Variants in ABRA observed in about 807,000 individuals in gnomAD.
The protein encoded by ABRA is actin binding Rho activating protein, also known as actin-binding Rho-activating protein.
A neutral mutation model predicts 33.4 loss-of-function variants in ABRA; 25 were observed. The observed-to-expected ratio is 0.75, with a 90% CI of 0.55 to 1.04. The LOEUF is 1.04. ABRA is among the 50% of genes least tolerant of loss of function. ABRA has a pLI of 0.00. For missense variants in ABRA, 501 were observed against 491.7 expected, an observed-to-expected ratio of 1.02 and a Z score of -0.18; for synonymous variants, 193 against 176.8, an observed-to-expected ratio of 1.09 and a Z score of -0.73.
In ABRA at chr8:106,761,461, G is replaced by A; in HGVS notation, c.722C>T (p.Pro241Leu). The A allele has an allele frequency of 6.2e-7, 1 of 1,614,110 alleles. No individual in the cohort carries two copies. Among genetic ancestry groups the A allele is most frequent in the Non-Finnish European group, 8.5e-7 (1 of 1,180,026 alleles). Residue 241 changes from proline (P) to leucine (L), a missense_variant, in exon 2 of 2, where the codon CCA becomes CTA. Pro to Leu is a moderately conservative substitution (Grantham distance 98, BLOSUM62 -3). Coordinates refer to ENST00000311955, the MANE Select transcript of ABRA (RefSeq NM_139166.5). ...CCATCTCCCTTTCAAGTTGCCCACT[G>A]GGCTATATTTCTGTTGGGCTTTGCA... ...LNCKAQQKYS[P>L]VGNLKGRWQQ...
intron 1 of ABRA, among the ~76,000 whole-genome samples, chr8:106,767,966 G>T (rs1353736265): frequency 6.6e-6 from 1 of 151,988 alleles, no homozygotes; most frequent in Non-Finnish European, 1.5e-5. Flanking sequence ...GTGGTGGTGT[G>T]CACCTGTAAT....
chr8:106,769,831 T>A lies in ABRA; in HGVS notation c.360A>T (p.Arg120Ser). The change falls in exon 1 of 2, where the codon AGA (arginine) becomes AGT (serine). Residue 120 changes from arginine (R) to serine (S), a missense_variant. Coordinates refer to ENST00000311955, the MANE Select transcript of ABRA (RefSeq NM_139166.5). ...GGCTGAGGTGGCTCACGTCCCCTCC[T>A]CTCTCATAAGTCTTGCTGACCACCG... The part of the protein sequence containing the change: ...SKTVVSKTYE[R>S]GGDVSHLSHR... 6.2e-7 allele frequency: 1 copy of A among 1,614,112 alleles called. No individual in the cohort carries two copies. The highest frequency in any genetic ancestry group is 8.5e-7 in the Non-Finnish European group (1 of 1,180,016).
At chr8:106,767,733 T>C (rs1166178126) in intron 1 of ABRA, among the ~76,000 whole-genome samples, 3 of 152,210 alleles carry the variant, frequency 2.0e-5, no homozygotes, top group Non-Finnish European at 4.4e-5. Context: ...CATTTGCCAT[T>C]TTATTTTTCT....
In ABRA at chr8:106,769,663, C is replaced by T; in HGVS notation, c.528G>A (p.Val176=). 6.2e-7 allele frequency: 1 copy of T among 1,614,190 alleles called. No homozygotes were observed. Among genetic ancestry groups the T allele is most frequent in the Non-Finnish European group, 8.5e-7 (1 of 1,180,042 alleles). ...LVSELTKGWR[V]MEQEEPTWRS... ...TCCATGTGGGCTCCTCCTGCTCCAT[C>T]ACTCTCCAGCCCTTGGTTAGCTCAG... is the stretch of plus-strand genomic sequence containing the variant. Residue 176 remains valine (V), a synonymous_variant, in exon 1 of 2, where the codon GTG becomes GTA. Coordinates refer to ENST00000311955, the MANE Select transcript of ABRA (RefSeq NM_139166.5).
In ABRA at chr8:106,769,868, T is replaced by C. The variant is rs140878408; in HGVS notation, c.323A>G (p.Glu108Gly). The change falls in exon 1 of 2, where the codon GAG (glutamate) becomes GGG (glycine). Residue 108 changes from glutamate (E) to glycine (G), a missense_variant. By Grantham distance (98) the Glu-to-Gly change is moderately conservative (BLOSUM62 -2). Coordinates refer to ENST00000311955, the MANE Select transcript of ABRA (RefSeq NM_139166.5). ...CTTGCTGACCACCGTTTTGGACACCTCTTTCTTTTTGATGTGAGAAACCTC... is the reference window on the plus strand; with the variant it reads ...CTTGCTGACCACCGTTTTGGACACCCCTTTCTTTTTGATGTGAGAAACCTC... ...APEVSHIKKK[E>G]VSKTVVSKTY... 5 of 1,614,116 alleles carry C rather than the reference T, an allele frequency of 3.1e-6. No homozygotes were observed. Among genetic ancestry groups the C allele is most frequent in the Non-Finnish European group, 3.4e-6 (4 of 1,180,020 alleles).
chr8:106,760,914 T>C lies in ABRA; in HGVS notation c.*123A>G. 1 of 907,350 alleles carries C rather than the reference T, an allele frequency of 1.1e-6. No homozygotes were observed. Among genetic ancestry groups the C allele is most frequent in the African/African-American group, 1.7e-5 (1 of 60,158 alleles). 56.2% of individuals were successfully genotyped at this position (907,350 alleles called of 1,614,324 possible). A position where few individuals can be genotyped will look rare whatever the true frequency, so the allele number is the denominator to read the frequency against. ...ATAGAAATAGAATGCCAGAAAGTCG[T>C]TTATGTAAAAATTGTTTAATATTTA... On this transcript the variant is annotated 3_prime_UTR_variant, in exon 2 of 2. Transcript: ENST00000311955.
rs773021452 is a variant in ABRA at position 106,769,968 on chromosome 8, C to A, written c.223G>T (p.Ala75Ser). Reference protein sequence around the residue: ...PITPPTSHQKAQSAPKSPPRL... With the variant: ...PITPPTSHQKSQSAPKSPPRL... The stretch of plus-strand genomic sequence containing the variant: ...GGTGGCGACTTTGGGGCACTCTGAG[C>A]TTTCTGGTGTGAAGTAGGGGGTGTG... Residue 75 changes from alanine to serine, a missense_variant, in exon 1 of 2, where the codon GCT (alanine) becomes TCT (serine). Ala to Ser is a moderately conservative substitution (Grantham distance 99). Coordinates refer to ENST00000311955, the MANE Select transcript of ABRA (RefSeq NM_139166.5). 6.2e-7 allele frequency: 1 copy of A among 1,613,872 alleles called. No homozygotes were observed. Among genetic ancestry groups the A allele is most frequent in the Non-Finnish European group, 8.5e-7 (1 of 1,179,950 alleles).
rs770343497 is a variant in ABRA at position 106,770,187 on chromosome 8, C to T, written c.4G>A (p.Ala2Thr). Residue 2 changes from alanine to threonine, a missense_variant, in exon 1 of 2, where the codon GCT (alanine) becomes ACT (threonine). Transcript: ENST00000311955. ...TCCCCGCTTTCCTTTTCGCCCGGAG[C>T]CATGCTGCCCACCTGTCTTTCTCTG... The part of the protein sequence containing the change: M[A>T]PGEKESGEGP... 10 of 1,600,934 alleles carry T rather than the reference C, an allele frequency of 6.2e-6. No individual in the cohort carries two copies. The highest frequency in any genetic ancestry group is 1.7e-5 in the Admixed American group (1 of 59,694).
chr8:106,763,131 C>T (rs1836160702), intron 1 of ABRA, among the ~76,000 whole-genome samples: 1 of 152,216 alleles, frequency 6.6e-6, no homozygotes, highest in South Asian at 2.1e-4. Flanking sequence ...ACCATCCAAA[C>T]TCACTTCCCG....
chr8:106,763,737 C>T (rs529848610), intron 1 of ABRA, among the ~76,000 whole-genome samples: 1 of 152,316 alleles, frequency 6.6e-6, no homozygotes, highest in East Asian at 1.9e-4. Context: ...GCTGAGGTGT[C>T]CTGCCAGAGA....
Position 106,769,826 on chromosome 8 carries a change from C to G in ABRA, c.365G>C (p.Gly122Ala). 6.2e-7 allele frequency: 1 copy of G among 1,614,114 alleles called. No homozygotes were observed. The highest frequency in any genetic ancestry group is 1.1e-5 in the South Asian group (1 of 91,080). ...TVVSKTYERG[G>A]DVSHLSHRYE... Reference sequence around the variant, plus strand: ...CCTGTGGCTGAGGTGGCTCACGTCCCCTCCTCTCTCATAAGTCTTGCTGAC... The same window carrying G: ...CCTGTGGCTGAGGTGGCTCACGTCCGCTCCTCTCTCATAAGTCTTGCTGAC... Residue 122 changes from glycine to alanine, a missense_variant, in exon 1 of 2, where the codon GGG becomes GCG. By Grantham distance (60) the Gly-to-Ala change is moderately conservative. Transcript: ENST00000311955.
rs376042673 is a variant in ABRA, at chr8:106,761,227, G to T, written c.956C>A (p.Thr319Lys). 1 of 1,614,208 alleles carries T rather than the reference G, an allele frequency of 6.2e-7. No individual in the cohort carries two copies. Among genetic ancestry groups the T allele is most frequent in the African/African-American group, 1.3e-5 (1 of 75,056 alleles). ...EMMDMCFIIC[T>K]MARHRRDGKI... ...GCCATCTCGTCTGTGGCGAGCCATTGTGCAGATAATGAAGCACATGTCCAT... is the reference window on the plus strand; with the variant it reads ...GCCATCTCGTCTGTGGCGAGCCATTTTGCAGATAATGAAGCACATGTCCAT... The change falls in exon 2 of 2, where the codon ACA becomes AAA. Residue 319 changes from threonine (T) to lysine (K), a missense_variant. Thr to Lys is a moderately conservative substitution (Grantham distance 78, BLOSUM62 -1). Coordinates refer to ENST00000311955, the MANE Select transcript of ABRA (RefSeq NM_139166.5).
rs1836138556 is a variant in ABRA, at chr8:106,761,438, A to G, written c.745T>C (p.Trp249Arg). ...ATGTGTTCATCAGCCCACTGCTGCC[A>G]TCTCCCTTTCAAGTTGCCCACTGGG... ...YSPVGNLKGR[W>R]QQWADEHIQS... is the part of the protein sequence containing the mutation. The change falls in exon 2 of 2, where the codon TGG becomes CGG. Residue 249 changes from tryptophan (W) to arginine (R), a missense_variant. Trp to Arg is a moderately radical substitution (Grantham distance 101). Coordinates refer to ENST00000311955, the MANE Select transcript of ABRA (RefSeq NM_139166.5). 4 of 1,614,048 alleles carry G rather than the reference A, an allele frequency of 2.5e-6. No homozygotes were observed. Among genetic ancestry groups the G allele is most frequent in the African/African-American group, 1.3e-5 (1 of 74,920 alleles).
At chr8:106,762,558 C>T (rs554171575) in intron 1 of ABRA, among the ~76,000 whole-genome samples, 1 of 152,244 alleles carries the variant, frequency 6.6e-6, no homozygotes, top group East Asian at 1.9e-4. Context: ...CAAACTAACA[C>T]AGGAACAGAA....
In ABRA at chr8:106,761,513, C is replaced by T. The variant is rs867844227; in HGVS notation, c.670G>A (p.Val224Ile). ...VRIKRPLPSQ[V>I]NRFTEKLNCK... ...TTGAGTTTCTCTGTAAATCTGTTTA[C>T]CCTAAAGTAGAGAGAGGGTGAACAA... is the stretch of plus-strand genomic sequence containing the variant. Residue 224 changes from valine (V) to isoleucine (I), a missense_variant and splice_region_variant, in exon 2 of 2, where the codon GTA (valine) becomes ATA (isoleucine). By Grantham distance (29) the Val-to-Ile change is conservative. Coordinates refer to ENST00000311955, the MANE Select transcript of ABRA (RefSeq NM_139166.5). 6.2e-7 allele frequency: 1 copy of T among 1,610,104 alleles called. No individual in the cohort carries two copies. The highest frequency in any genetic ancestry group is 1.1e-5 in the South Asian group (1 of 90,546).
intron 1 of ABRA, 142 bp downstream of exon 1, chr8:106,769,381 C>T (rs1344744473): frequency 8.5e-7 from 1 of 1,182,586 alleles, no homozygotes; most frequent in Non-Finnish European, 1.2e-6. Context: ...GACATCCCTC[C>T]TCTACAGTAC....
intron 1 of ABRA, among the ~76,000 whole-genome samples, chr8:106,765,583 G>A (rs908928269): frequency 2.1e-4 from 31 of 145,426 alleles, no homozygotes; most frequent in African/African-American, 8.2e-4. Flanking sequence ...TACTGAGAGC[G>A]TGACATCAAG....
At position 106,769,565 on chromosome 8, in the gene ABRA, A is replaced by G. The variant is rs751955904; in HGVS notation, c.626T>C (p.Val209Ala). 2 of 1,613,732 alleles carry G rather than the reference A, an allele frequency of 1.2e-6. No homozygotes were observed. Among genetic ancestry groups the G allele is most frequent in the Non-Finnish European group, 1.7e-6 (2 of 1,179,914 alleles). The change falls in exon 1 of 2, where the codon GTG becomes GCG. Residue 209 changes from valine to alanine, a missense_variant. Coordinates refer to ENST00000311955, the MANE Select transcript of ABRA (RefSeq NM_139166.5). ...EAEERPEQDGVQVAVVRIKRP... is the reference protein window; with the variant it reads ...EAEERPEQDGAQVAVVRIKRP... Reference sequence around the variant, plus strand: ...CTTGATCCTGACCACAGCCACCTGCACTCCATCCTGCTCGGGCCTCTCCTC... The same window carrying G: ...CTTGATCCTGACCACAGCCACCTGCGCTCCATCCTGCTCGGGCCTCTCCTC...
In ABRA at chr8:106,761,353, G is replaced by A. The variant is rs202190737; in HGVS notation, c.830C>T (p.Thr277Ile). ...EEFDYELAMS[T>I]RLHKGDEGYG... ...GCCCTCATCTCCTTTGTGTAGGCGG[G>A]TGGACATGGCCAGCTCGTAATCAAA... Residue 277 changes from threonine (T) to isoleucine (I), a missense_variant, in exon 2 of 2, where the codon ACC (threonine) becomes ATC (isoleucine). By Grantham distance (89) the Thr-to-Ile change is moderately conservative. Transcript: ENST00000311955. The A allele has an allele frequency of 6.2e-7, 1 of 1,614,152 alleles. No individual in the cohort carries two copies. The highest frequency in any genetic ancestry group is 2.2e-5 in the East Asian group (1 of 44,876).
Sources: gnomAD v4.1 joint callset for allele counts (sites outside exome capture counted in the v4.1 genomes callset) on GRCh38, gnomAD v4.1.1 for gene constraint, MANE v1.5 for transcripts, NCBI Gene and HGNC (gene_info 2026-07-23, HGNC 2026-07-21) for gene names.